CBLB: variants seen among roughly 807,000 people sequenced by gnomAD.
The protein encoded by CBLB is Cbl proto-oncogene B.
CBLB carries 31 observed loss-of-function variants against 104.9 expected under a neutral mutation model. That is an observed-to-expected ratio of 0.30 (90% CI 0.22 to 0.40). The LOEUF is 0.40. CBLB is among the 10% of genes least tolerant of loss of function. The probability of loss-of-function intolerance (pLI) is 1.00; values close to 1 mark genes in which losing one functional copy is unlikely to be tolerated. For missense variants in CBLB, 1,062 were observed against 1,214.6 expected, an observed-to-expected ratio of 0.87 and a Z score of 1.87; for synonymous variants, 440 against 422.6, an observed-to-expected ratio of 1.04 and a Z score of -0.51.
chr3:105,743,205 C>T (rs934951448), intron 6 of CBLB, among the ~76,000 whole-genome samples: 1 of 152,032 alleles, frequency 6.6e-6, no homozygotes, highest in Non-Finnish European at 1.5e-5. Context: ...CACCTGTAAT[C>T]CCAGCACGTT....
chr3:105,676,951 C>T (rs576193807), intron 17 of CBLB, among the ~76,000 whole-genome samples: 7 of 152,298 alleles, frequency 4.6e-5, no homozygotes, highest in Non-Finnish European at 1.0e-4. Flanking sequence ...TTCACCTCTG[C>T]CATGATTGTA....
chr3:105,867,608 TA>T lies in CBLB; in HGVS notation c.-14-18del, dbSNP rs771968727. On this transcript the variant is annotated intron_variant, in intron 1 of 18. Coordinates refer to ENST00000394030, the MANE Select transcript of CBLB (RefSeq NM_170662.5). ...ATTTTAGTTCTTTAAAAGGCAGATT[TA>T]AAAAAAGAAAAGTTAGTTGGTTTTG... 1 of 1,611,684 alleles carries T rather than the reference TA, an allele frequency of 6.2e-7. No individual in the cohort carries two copies.
intron 3 of CBLB, among the ~76,000 whole-genome samples, chr3:105,786,061 C>CG (rs76857199): frequency 0.17 from 13,653 of 79,112 alleles, 1,588 homozygotes; most frequent in East Asian, 0.41. Context: ...GTGAGAGGAT[C>CG]GGGGGGGGGA....
chr3:105,724,663 G>A (rs1163811004), intron 9 of CBLB, among the ~76,000 whole-genome samples: 3 of 152,060 alleles, frequency 2.0e-5, no homozygotes, highest in Non-Finnish European at 4.4e-5. Context: ...ATCTCTATAC[G>A]AATTCCATTT....
At chr3:105,730,563 C>G (rs1017015912) in intron 9 of CBLB, among the ~76,000 whole-genome samples, 1 of 151,898 alleles carries the variant, frequency 6.6e-6, no homozygotes, top group African/African-American at 2.4e-5. Context: ...TAAAGTAATC[C>G]ACATTCTAGA....
At chr3:105,759,718 C>G (rs2077431099) in intron 4 of CBLB, among the ~76,000 whole-genome samples, 1 of 152,200 alleles carries the variant, frequency 6.6e-6, no homozygotes, top group Admixed American at 6.5e-5. Flanking sequence ...GGCCAGACAG[C>G]AGGAGCAGGC....
At chr3:105,859,422 C>A (rs868843052) in intron 2 of CBLB, among the ~76,000 whole-genome samples, 18 of 152,084 alleles carry the variant, frequency 1.2e-4, no homozygotes, top group African/African-American at 4.1e-4. Flanking sequence ...GAGGCCGAGG[C>A]GAGCGGATCA....
In CBLB at chr3:105,655,740, T is replaced by C. The variant is rs2063297586; in HGVS notation, c.*3230A>G. On this transcript the variant is annotated 3_prime_UTR_variant, in exon 19 of 19. Coordinates refer to ENST00000394030, the MANE Select transcript of CBLB (RefSeq NM_170662.5). ...TAGTACCTGAATTATTCAAGTATAC[T>C]GTAATTTGCTTCCAAATCTGTTAGC... 1 of 205,204 alleles carries C rather than the reference T, an allele frequency of 4.9e-6. No homozygotes were observed. The highest frequency in any genetic ancestry group is 5.9e-5 in the Admixed American group (1 of 16,810). The allele number at this position is 205,204 out of a possible 1,614,324, so 12.7% of individuals were successfully genotyped here. A position where few individuals can be genotyped will look rare whatever the true frequency, so the allele number is the denominator to read the frequency against.
At chr3:105,752,461 T>C (rs951717064) in intron 4 of CBLB, among the ~76,000 whole-genome samples, 16 of 152,290 alleles carry the variant, frequency 1.1e-4, no homozygotes, top group African/African-American at 3.4e-4. Flanking sequence ...ATAATGCCTA[T>C]TCCTAATTCG....
intron 2 of CBLB, among the ~76,000 whole-genome samples, chr3:105,865,571 A>C (rs532994511): frequency 6.6e-6 from 1 of 152,366 alleles, no homozygotes; most frequent in South Asian, 2.1e-4. Flanking sequence ...ATAACCATCT[A>C]TTTTACCATA....
rs1489387790 is a variant in CBLB, at chr3:105,704,226, C to T, written c.1408-53G>A. 4.4e-5 allele frequency: 67 copies of T among 1,531,830 alleles called. 1 individual carries two copies. The highest frequency in any genetic ancestry group is 6.1e-5 in the Non-Finnish European group (67 of 1,105,928). 94.9% of individuals were successfully genotyped at this position (1,531,830 alleles called of 1,614,324 possible). ...CTGTTTATTAGCTGTGCAGAGTGTT[C>T]TCTGTTCTTAAAGAATATATTTGGT... On this transcript the variant is annotated intron_variant, in intron 10 of 18. Coordinates refer to ENST00000394030, the MANE Select transcript of CBLB (RefSeq NM_170662.5).
intron 10 of CBLB, among the ~76,000 whole-genome samples, chr3:105,714,204 C>G (rs1175378449): frequency 1.3e-5 from 2 of 152,122 alleles, no homozygotes; most frequent in Admixed American, 1.3e-4. Context: ...TCCTTAGGAT[C>G]AGGAATACTA....
intron 4 of CBLB, among the ~76,000 whole-genome samples, chr3:105,764,340 T>C (rs1348722362): frequency 6.6e-6 from 1 of 152,188 alleles, no homozygotes; most frequent in Non-Finnish European, 1.5e-5. Flanking sequence ...AGAGATTATC[T>C]AAGAAAAACA....
chr3:105,859,837 TTATAAAAATGTATTTTACTAAG>T (rs917417405), intron 2 of CBLB, among the ~76,000 whole-genome samples: 2 of 151,976 alleles, frequency 1.3e-5, no homozygotes, highest in African/African-American at 4.8e-5. Flanking sequence ...AATATAAAAA[TTATAAAAATGTATTTTACTAAG>T]TATAAAAATG....
At chr3:105,819,254 A>AG (rs1023494929) in intron 3 of CBLB, among the ~76,000 whole-genome samples, 9 of 152,306 alleles carry the variant, frequency 5.9e-5, no homozygotes, top group East Asian at 1.9e-4. Flanking sequence ...TGGGAGGCCA[A>AG]GGGGGGTGGA....
At chr3:105,773,993 T>C (rs890315066) in intron 4 of CBLB, among the ~76,000 whole-genome samples, 1 of 152,230 alleles carries the variant, frequency 6.6e-6, no homozygotes, top group African/African-American at 2.4e-5. Context: ...AACAGTGCTA[T>C]AGTTTGAATG....
intron 3 of CBLB, among the ~76,000 whole-genome samples, chr3:105,803,015 AAAATT>A (rs2083074724): frequency 6.6e-6 from 1 of 152,200 alleles, no homozygotes; most frequent in Admixed American, 6.5e-5. Context: ...AGTGTTGATG[AAAATT>A]AAATTAGAGA....
intron 13 of CBLB, among the ~76,000 whole-genome samples, chr3:105,693,283 A>G (rs928485099): frequency 6.6e-6 from 1 of 152,078 alleles, no homozygotes; most frequent in Non-Finnish European, 1.5e-5. Context: ...TGTAACCTCA[A>G]GAGTTTAGGT....
At chr3:105,664,543 T>C (rs2064158563) in intron 18 of CBLB, among the ~76,000 whole-genome samples, 1 of 152,114 alleles carries the variant, frequency 6.6e-6, no homozygotes, top group Admixed American at 6.5e-5. Context: ...TTTTAAGTGA[T>C]TGCTTTTTCT....
Sources: allele counts gnomAD v4.1 joint callset (sites outside exome capture counted in the v4.1 genomes callset), GRCh38; gene constraint gnomAD v4.1.1; transcripts MANE v1.5; gene names NCBI Gene and HGNC (gene_info 2026-07-23, HGNC 2026-07-21).